Variants in LPAR3 observed in about 807,000 individuals in gnomAD.
The protein encoded by LPAR3 is LPA receptor 3.
A neutral mutation model predicts 17.8 loss-of-function variants in LPAR3; 7 were observed. The ratio of observed to expected loss-of-function variants is 0.39; its 90% CI spans 0.22 to 0.74. The LOEUF (loss-of-function observed/expected upper bound fraction) is 0.74. Ranked by LOEUF, LPAR3 falls within the 30% of genes least tolerant of loss-of-function variation. The probability of loss-of-function intolerance (pLI) is 0.40; values close to 1 mark genes in which losing one functional copy is unlikely to be tolerated. For missense variants in LPAR3, 391 were observed against 453.4 expected (o/e 0.86, Z 1.25); for synonymous variants, 179 against 179.9 (o/e 0.99, Z 0.04).
At chr1:84,866,329 C>T (rs1412179674) in intron 1 of LPAR3, among the ~76,000 whole-genome samples, 191 bp from the exon 2 acceptor site, 2 of 152,190 alleles carry the variant, frequency 1.3e-5, no homozygotes, top group Admixed American at 6.5e-5. Flanking sequence ...ATTTAGCGCA[C>T]ATTTTAATTG....
At chr1:84,862,431 C>A (rs1570891581) in intron 2 of LPAR3, among the ~76,000 whole-genome samples, 5 of 152,324 alleles carry the variant, frequency 3.3e-5, no homozygotes, top group Admixed American at 3.3e-4. Flanking sequence ...TCTTGGTTAA[C>A]AGCTGAGTGA....
chr1:84,873,897 C>T (rs796691194), intron 1 of LPAR3, among the ~76,000 whole-genome samples: 6 of 152,128 alleles, frequency 3.9e-5, no homozygotes, highest in South Asian at 2.1e-4. Context: ...GCATTACAGG[C>T]GCCCGCCACC....
intron 1 of LPAR3, among the ~76,000 whole-genome samples, chr1:84,891,226 T>C (rs1660547319): frequency 6.6e-6 from 1 of 151,456 alleles, no homozygotes; most frequent in Admixed American, 6.6e-5. Context: ...GTGTCATATG[T>C]AATTAAATCA....
intron 1 of LPAR3, among the ~76,000 whole-genome samples, chr1:84,879,283 C>G (rs915819679): frequency 4.1e-5 from 6 of 147,692 alleles, no homozygotes; most frequent in Admixed American, 4.1e-4. Flanking sequence ...TGCTAAATCA[C>G]ATTTTCCTTT....
At chr1:84,890,583 C>T (rs1415053290) in intron 1 of LPAR3, among the ~76,000 whole-genome samples, 1 of 152,166 alleles carries the variant, frequency 6.6e-6, no homozygotes, top group Non-Finnish European at 1.5e-5. Context: ...GACTGCAAAG[C>T]CTTGGTCTTC....
At position 84,865,802 on chromosome 1, in the gene LPAR3, C is replaced by T. The variant is rs1660033697; in HGVS notation, c.319G>A (p.Gly107Arg). 2 of 1,614,122 alleles carry T rather than the reference C, an allele frequency of 1.2e-6. No individual in the cohort carries two copies. Among genetic ancestry groups the T allele is most frequent in the Non-Finnish European group, 8.5e-7 (1 of 1,180,014 alleles). The change falls in exon 2 of 3, where the codon GGG (glycine) becomes AGG (arginine). Residue 107 changes from glycine (G) to arginine (R), a missense_variant. Gly to Arg is a moderately radical substitution (Grantham distance 125). Transcript: ENST00000370611. ...LTVNRWFLRQ[G>R]LLDSSLTASL... Reference sequence around the variant, plus strand: ...GCAGTCAAGCTACTGTCCAGAAGCCCCTGACGGAGAAACCAGCGGTTGACA... The same window carrying T: ...GCAGTCAAGCTACTGTCCAGAAGCCTCTGACGGAGAAACCAGCGGTTGACA...
At chr1:84,885,298 T>G (rs6693142) in intron 1 of LPAR3, among the ~76,000 whole-genome samples, 3,085 of 152,226 alleles carry the variant, frequency 0.02, 92 homozygotes, top group African/African-American at 0.07. Context: ...CAGGGTTAAG[T>G]GTGGCAGAGC....
intron 2 of LPAR3, among the ~76,000 whole-genome samples, chr1:84,820,733 A>G (rs1297867121): frequency 6.6e-6 from 1 of 152,152 alleles, no homozygotes; most frequent in African/African-American, 2.4e-5. Context: ...CACCCATTGT[A>G]TGTAATGAAC....
chr1:84,835,198 GC>G (rs1159541811), intron 2 of LPAR3, among the ~76,000 whole-genome samples: 1 of 152,144 alleles, frequency 6.6e-6, no homozygotes, highest in Admixed American at 6.5e-5. Context: ...GCCAGAATTG[GC>G]CTTAAGATGC....
chr1:84,858,179 A>G (rs1659863897), intron 2 of LPAR3, among the ~76,000 whole-genome samples: 1 of 152,148 alleles, frequency 6.6e-6, no homozygotes, highest in African/African-American at 2.4e-5. Context: ...CTCATATTAT[A>G]AAATTATAAG....
intron 2 of LPAR3, among the ~76,000 whole-genome samples, chr1:84,831,547 TC>T (rs1659283605): frequency 7.8e-6 from 1 of 128,126 alleles, no homozygotes; most frequent in African/African-American, 2.7e-5. Context: ...ATCATATATA[TC>T]ATATAACAAT....
chr1:84,843,244 T>C (rs1165018598), intron 2 of LPAR3, among the ~76,000 whole-genome samples: 1 of 152,232 alleles, frequency 6.6e-6, no homozygotes, highest in African/African-American at 2.4e-5. Flanking sequence ...CACACAGCTA[T>C]GCCTCATCTC....
intron 1 of LPAR3, among the ~76,000 whole-genome samples, chr1:84,874,416 G>A (rs948699573): frequency 2.0e-5 from 3 of 152,248 alleles, no homozygotes; most frequent in Middle Eastern, 3.4e-3. Context: ...TTTACAGAAG[G>A]TCTTGGTATA....
At chr1:84,859,783 T>C (rs772173810) in intron 2 of LPAR3, among the ~76,000 whole-genome samples, 3 of 152,254 alleles carry the variant, frequency 2.0e-5, no homozygotes, top group Non-Finnish European at 2.9e-5. Flanking sequence ...CTTCCCTCTT[T>C]CTTTTCTCTT....
intron 2 of LPAR3, among the ~76,000 whole-genome samples, chr1:84,843,357 G>A (rs1463015532): frequency 1.3e-5 from 2 of 152,134 alleles, no homozygotes; most frequent in East Asian, 3.8e-4. Flanking sequence ...GTTTCTCTTT[G>A]TGACCACCTT....
At chr1:84,860,714 G>T (rs1025980113) in intron 2 of LPAR3, among the ~76,000 whole-genome samples, 1 of 149,600 alleles carries the variant, frequency 6.7e-6, no homozygotes, top group Non-Finnish European at 1.5e-5. Context: ...AAGAGGGTTC[G>T]TAAGAAACTT....
rs757914547 is a variant in LPAR3, at chr1:84,813,847, T to C, written c.1061A>G (p.Ter354=). ...GGTGGGCCGAGAGGCATCCAGAGTTTAGGAAGTGCTTTTATTGCAGACTGC... is the reference window on the plus strand; with the variant it reads ...GGTGGGCCGAGAGGCATCCAGAGTTCAGGAAGTGCTTTTATTGCAGACTGC... ...QGAVCNKSTS[*] Residue 354 remains the stop codon, a stop_retained_variant, in exon 3 of 3, where the codon TAA becomes TGA. Coordinates refer to ENST00000370611, the MANE Select transcript of LPAR3 (RefSeq NM_012152.3). The C allele has an allele frequency of 1.2e-6, 2 of 1,611,900 alleles. No homozygotes were observed. The highest frequency in any genetic ancestry group is 4.5e-5 in the East Asian group (2 of 44,834).
rs1271917320 is a variant in LPAR3 at position 84,812,918 on chromosome 1, A to C, written c.*928T>G. 2.0e-5 allele frequency: 3 copies of C among 151,760 alleles called. No homozygotes were observed. The highest frequency in any genetic ancestry group is 6.6e-5 in the Admixed American group (1 of 15,198). 9.4% of individuals were successfully genotyped at this position (151,760 alleles called of 1,614,324 possible). A position where few individuals can be genotyped will look rare whatever the true frequency, so the allele number is the denominator to read the frequency against. On this transcript the variant is annotated 3_prime_UTR_variant, in exon 3 of 3. Coordinates refer to ENST00000370611, the MANE Select transcript of LPAR3 (RefSeq NM_012152.3). ...ACATTCTCTTCTCCTTGTTTTCTGC[A>C]TAAACCCTTTACTAGCTCTCCACTG...
intron 2 of LPAR3, among the ~76,000 whole-genome samples, chr1:84,841,800 G>T (rs2102754859): frequency 6.6e-6 from 1 of 152,250 alleles, no homozygotes; most frequent in South Asian, 2.1e-4. Flanking sequence ...AGGCAGAGTG[G>T]TCTGCTCATA....
Sources: allele counts gnomAD v4.1 joint callset (sites outside exome capture counted in the v4.1 genomes callset), GRCh38; gene constraint gnomAD v4.1.1; transcripts MANE v1.5; gene names NCBI Gene and HGNC (gene_info 2026-07-23, HGNC 2026-07-21).